Variants in PPARGC1A observed in about 807,000 individuals in gnomAD.
The protein encoded by PPARGC1A is PPARG coactivator 1 alpha.
Under a neutral mutation model 88.7 loss-of-function variants are expected in PPARGC1A, and 25 were observed. The observed-to-expected ratio is 0.28, with a 90% CI of 0.21 to 0.39. The LOEUF (loss-of-function observed/expected upper bound fraction) is 0.39, where lower values mean the gene tolerates loss of function less well. PPARGC1A is among the 10% of genes least tolerant of loss of function. The pLI is 1.00. For synonymous variants in PPARGC1A, 363 were observed against 355.6 expected (o/e 1.02, Z -0.24); for missense variants, 880 against 968.7 (o/e 0.91, Z 1.22).
upstream of PPARGC1A, among the ~76,000 whole-genome samples, chr4:23,900,705 G>A (rs1225306860): frequency 1.3e-5 from 2 of 152,136 alleles, no homozygotes; most frequent in Non-Finnish European, 2.9e-5. Flanking sequence ...ATAGTAAGTC[G>A]ACTTTCTATG....
At chr4:24,463,819 T>C in the PPARGC1A span, among the ~76,000 whole-genome samples, 2 of 152,234 alleles carry the variant, frequency 1.3e-5, no homozygotes, top group Non-Finnish European at 2.9e-5. Context: ...AATAAAAATA[T>C]GATCTGCCTA....
chr4:24,033,283 T>G, the PPARGC1A span, among the ~76,000 whole-genome samples: 2 of 152,180 alleles, frequency 1.3e-5, no homozygotes, highest in Non-Finnish European at 2.9e-5. Flanking sequence ...AACAACTAAA[T>G]GGGTCGATAT....
intron 10 of PPARGC1A, among the ~76,000 whole-genome samples, chr4:23,805,292 T>A (rs1436250299): frequency 6.6e-6 from 1 of 152,118 alleles, no homozygotes; most frequent in African/African-American, 2.4e-5. Flanking sequence ...TTTCCATAAT[T>A]TGTTTTTACA....
chr4:24,091,710 C>A, the PPARGC1A span: 1 of 879,636 alleles, frequency 1.1e-6, no homozygotes, highest in Non-Finnish European at 1.4e-6. Context: ...AAATTTGGGA[C>A]ACATGGGGCT....
the PPARGC1A span, among the ~76,000 whole-genome samples, chr4:23,945,201 A>G: frequency 6.6e-6 from 1 of 152,150 alleles, no homozygotes; most frequent in Non-Finnish European, 1.5e-5. Flanking sequence ...CCTAACATGA[A>G]CAATATTTGC....
At chr4:24,117,888 C>G in the PPARGC1A span, among the ~76,000 whole-genome samples, 5 of 152,094 alleles carry the variant, frequency 3.3e-5, no homozygotes, top group African/African-American at 4.8e-5. Flanking sequence ...TCACAAAAGT[C>G]CCTACTTTGT....
At chr4:24,187,410 C>T in the PPARGC1A span, among the ~76,000 whole-genome samples, 1 of 152,230 alleles carries the variant, frequency 6.6e-6, no homozygotes, top group Non-Finnish European at 1.5e-5. Context: ...AGGATCTTCA[C>T]TCTTAACCAC....
At chr4:23,993,422 C>T in the PPARGC1A span, among the ~76,000 whole-genome samples, 4 of 152,050 alleles carry the variant, frequency 2.6e-5, no homozygotes, top group Admixed American at 1.3e-4. Flanking sequence ...TCTAATGATC[C>T]CACATCAGAA....
At chr4:23,811,993 T>C (rs1324683024) in intron 10 of PPARGC1A, among the ~76,000 whole-genome samples, 1 of 128,670 alleles carries the variant, frequency 7.8e-6, no homozygotes, top group African/African-American at 2.9e-5. Flanking sequence ...TCTCAGCTCA[T>C]TGCAACCTCC....
the PPARGC1A span, among the ~76,000 whole-genome samples, chr4:24,139,776 G>A: frequency 6.6e-6 from 1 of 152,094 alleles, no homozygotes; most frequent in Non-Finnish European, 1.5e-5. Flanking sequence ...CAGGCAGACT[G>A]CACGCTCAGT....
At chr4:24,060,476 T>C in the PPARGC1A span, among the ~76,000 whole-genome samples, 1 of 152,250 alleles carries the variant, frequency 6.6e-6, no homozygotes, top group African/African-American at 2.4e-5. Flanking sequence ...TATAATCAGA[T>C]AAACATTTGT....
At chr4:24,039,007 A>G in the PPARGC1A span, among the ~76,000 whole-genome samples, 2 of 152,180 alleles carry the variant, frequency 1.3e-5, no homozygotes, top group South Asian at 4.1e-4. Flanking sequence ...TTCACGAAAC[A>G]GACAACAGTG....
At chr4:23,961,701 G>GC in the PPARGC1A span, among the ~76,000 whole-genome samples, 2 of 151,468 alleles carry the variant, frequency 1.3e-5, no homozygotes, top group Admixed American at 6.6e-5. Flanking sequence ...CCTCCCACAA[G>GC]CCCCCTGTGC....
the PPARGC1A span, among the ~76,000 whole-genome samples, chr4:24,009,357 A>C: frequency 2.2e-4 from 34 of 152,202 alleles, no homozygotes; most frequent in Non-Finnish European, 4.9e-4. Flanking sequence ...CTTCATTCTG[A>C]AAATAGGGTC....
intron 2 of PPARGC1A, among the ~76,000 whole-genome samples, chr4:23,867,075 T>C (rs1489623760): frequency 1.3e-5 from 2 of 152,196 alleles, no homozygotes; most frequent in Admixed American, 1.3e-4. Context: ...TAAGAGGGTA[T>C]TTAACTTCTG....
At chr4:24,428,265 T>C in the PPARGC1A span, among the ~76,000 whole-genome samples, 1 of 152,228 alleles carries the variant, frequency 6.6e-6, no homozygotes, top group South Asian at 2.1e-4. Flanking sequence ...GTCTAGTGTA[T>C]AGAAGACCCT....
chr4:24,402,006 T>C, the PPARGC1A span, among the ~76,000 whole-genome samples: 2 of 152,178 alleles, frequency 1.3e-5, no homozygotes, highest in South Asian at 4.1e-4. Flanking sequence ...GAAATGGAAA[T>C]ACAGCACCCA....
the PPARGC1A span, among the ~76,000 whole-genome samples, chr4:24,050,341 G>A: frequency 1.3e-5 from 2 of 151,782 alleles, no homozygotes; most frequent in South Asian, 2.1e-4. Flanking sequence ...AATTACAGGC[G>A]CCCATCACCA....
At chr4:24,028,375 AG>A in the PPARGC1A span, among the ~76,000 whole-genome samples, 26 of 152,364 alleles carry the variant, frequency 1.7e-4, no homozygotes, top group African/African-American at 6.0e-4. Flanking sequence ...TCATTATCAA[AG>A]TGCCACTTGG....
Sources: allele counts gnomAD v4.1 joint callset (sites outside exome capture counted in the v4.1 genomes callset), GRCh38; gene constraint gnomAD v4.1.1; transcripts MANE v1.5; gene names NCBI Gene and HGNC (gene_info 2026-07-23, HGNC 2026-07-21).